AKAP6: variants seen among roughly 807,000 people sequenced by gnomAD.
AKAP6 encodes A-kinase anchor protein 6.
Under a neutral mutation model 188.5 loss-of-function variants are expected in AKAP6, and 58 were observed. The ratio of observed to expected loss-of-function variants is 0.31; its 90% CI spans 0.25 to 0.38. The LOEUF is 0.38. AKAP6 is among the 10% of genes least tolerant of loss of function. The pLI is 1.00. For synonymous variants in AKAP6, 989 were observed against 998.6 expected (o/e 0.99, Z 0.18); for missense variants, 2,710 against 2,740.0 (o/e 0.99, Z 0.24).
Position 32,579,139 on chromosome 14 carries a change from G to T in AKAP6, c.2469+1897G>T, listed in dbSNP as rs184855812. 1.6e-4 allele frequency among the ~76,000 whole-genome samples: 24 copies of T among 152,186 alleles called. No homozygotes were observed. In the East Asian group the frequency reaches 4.3e-3, roughly 27 times the overall value. ...ATGTGGCTAGTGACTTCTGTATTCT[G>T]TCTAGCCTTACAAATTGCCAGCTTT... On this transcript the variant is annotated intron_variant, in intron 5 of 13. Transcript: ENST00000280979.
intron 7 of AKAP6, among the ~76,000 whole-genome samples, chr14:32,634,672 G>A (rs1231115019): frequency 1.3e-5 from 2 of 151,956 alleles, no homozygotes; most frequent in Non-Finnish European, 2.9e-5. Context: ...GTGATAGGGA[G>A]TAGGGGTGCA....
chr14:32,386,559 C>A (rs115548232), intron 1 of AKAP6, among the ~76,000 whole-genome samples: 1 of 151,920 alleles, frequency 6.6e-6, no homozygotes, highest in Non-Finnish European at 1.5e-5. Context: ...TTGGGTTGTT[C>A]GTTTACTCTG....
chr14:32,615,591 C>CTTTGTTTTTTTT (rs1886541165), intron 7 of AKAP6, among the ~76,000 whole-genome samples: 1 of 115,306 alleles, frequency 8.7e-6, no homozygotes, highest in African/African-American at 3.8e-5. Flanking sequence ...TAAACCATTA[C>CTTTGTTTTTTTT]TTTTTTTTTT....
chr14:32,388,276 T>C (rs1888598911), intron 1 of AKAP6, among the ~76,000 whole-genome samples: 1 of 152,114 alleles, frequency 6.6e-6, no homozygotes, highest in South Asian at 2.1e-4. Context: ...ATTAATTTTA[T>C]TTGTGTTTTC....
At chr14:32,820,701 A>T (rs1374586661) in intron 12 of AKAP6, among the ~76,000 whole-genome samples, 1 of 152,156 alleles carries the variant, frequency 6.6e-6, no homozygotes, top group African/African-American at 2.4e-5. Flanking sequence ...TTTGACTAAG[A>T]AATTGCCCTG....
rs1410855175 is a variant in AKAP6, at chr14:32,823,473, A to C, written c.5660A>C (p.Lys1887Thr). The C allele has an allele frequency of 6.2e-7, 1 of 1,613,592 alleles. No individual in the cohort carries two copies. The highest frequency in any genetic ancestry group is 2.2e-5 in the East Asian group (1 of 44,858). The change falls in exon 13 of 14, where the codon AAA (lysine) becomes ACA (threonine). Residue 1887 changes from lysine (K) to threonine (T), a missense_variant. Transcript: ENST00000280979. ...ENKKTIFKVN[K>T]DPYVADMENG... ...AAGAAAACTATTTTCAAAGTTAATAAAGATCCATATGTGGCTGACATGGAA... is the reference window on the plus strand; with the variant it reads ...AAGAAAACTATTTTCAAAGTTAATACAGATCCATATGTGGCTGACATGGAA...
rs1435593899 is a variant in AKAP6, at chr14:32,625,115, C to T, written c.2730+24323C>T. Among the ~76,000 whole-genome samples the T allele has an allele frequency of 2.0e-5, 3 of 152,066 alleles. No individual in the cohort carries two copies. In the East Asian group the frequency reaches 5.8e-4, roughly 29 times the overall value. ...AAGCATATTAAAATTAACTTTTCCT[C>T]AATTTAAGTAATGTGTATAAGTAAA... On this transcript the variant is annotated intron_variant, in intron 7 of 13. Coordinates refer to ENST00000280979, the MANE Select transcript of AKAP6 (RefSeq NM_004274.5).
intron 11 of AKAP6, among the ~76,000 whole-genome samples, chr14:32,745,351 A>G (rs781647724): frequency 1.1e-4 from 17 of 152,060 alleles, no homozygotes; most frequent in Non-Finnish European, 1.6e-4. Context: ...TTGCAGACTC[A>G]AAGAGGTACT....
At chr14:32,624,099 G>T (rs528921722) in intron 7 of AKAP6, among the ~76,000 whole-genome samples, 1 of 152,092 alleles carries the variant, frequency 6.6e-6, no homozygotes, top group Non-Finnish European at 1.5e-5. Context: ...AGAGATCTTG[G>T]TAAGTAAAAA....
At chr14:32,531,313 T>A (rs1882405223) in intron 2 of AKAP6, among the ~76,000 whole-genome samples, 1 of 152,228 alleles carries the variant, frequency 6.6e-6, no homozygotes, top group South Asian at 2.1e-4. Flanking sequence ...CCTTTATACT[T>A]GCTAGAAAAT....
intron 8 of AKAP6, among the ~76,000 whole-genome samples, chr14:32,692,249 A>G (rs1421323126): frequency 6.6e-6 from 1 of 152,228 alleles, no homozygotes; most frequent in Non-Finnish European, 1.5e-5. Flanking sequence ...AAGGCCCATG[A>G]TAAGGAGAAT....
intron 1 of AKAP6, among the ~76,000 whole-genome samples, chr14:32,354,818 G>A (rs945269446): frequency 2.0e-5 from 3 of 152,016 alleles, no homozygotes; most frequent in Admixed American, 6.5e-5. Context: ...ACCTCCTGAA[G>A]TGGACATGTG....
At chr14:32,512,421 T>C (rs1438792980) in intron 2 of AKAP6, among the ~76,000 whole-genome samples, 1 of 152,228 alleles carries the variant, frequency 6.6e-6, no homozygotes, top group Non-Finnish European at 1.5e-5. Flanking sequence ...GAAAGTGCAT[T>C]GAAATTGAAT....
chr14:32,448,040 A>C (rs1349711543), intron 2 of AKAP6, among the ~76,000 whole-genome samples: 1 of 152,216 alleles, frequency 6.6e-6, no homozygotes, highest in Non-Finnish European at 1.5e-5. Flanking sequence ...GGAAGGAAAA[A>C]CATCTATAAA....
chr14:32,828,767 G>T (rs1057468087), intron 13 of AKAP6, among the ~76,000 whole-genome samples: 1 of 152,154 alleles, frequency 6.6e-6, no homozygotes, highest in Admixed American at 6.5e-5. Context: ...AATGCACTGG[G>T]CTTTCTTGTG....
Position 32,545,621 on chromosome 14 carries a change from T to C in AKAP6, c.968T>C (p.Leu323Pro). ...GTCGAAGAGCAACCAGGCTTAACAC[T>C]GGGGGTGTCATCATCTTCAGGAGAA... ...SAVEEQPGLT[L>P]GVSSSSGEAL... The change falls in exon 4 of 14, where the codon CTG (leucine) becomes CCG (proline). Residue 323 changes from leucine to proline, a missense_variant. Coordinates refer to ENST00000280979, the MANE Select transcript of AKAP6 (RefSeq NM_004274.5). The C allele has an allele frequency of 6.2e-7, 1 of 1,614,178 alleles. No homozygotes were observed. The highest frequency in any genetic ancestry group is 8.5e-7 in the Non-Finnish European group (1 of 1,180,022).
chr14:32,446,477 G>A (rs1033687772), intron 2 of AKAP6, among the ~76,000 whole-genome samples: 4 of 151,830 alleles, frequency 2.6e-5, no homozygotes, highest in Non-Finnish European at 4.4e-5. Flanking sequence ...TCTCTTCTTA[G>A]TAGTTATAAA....
chr14:32,519,252 A>G (rs1473638453), intron 2 of AKAP6, among the ~76,000 whole-genome samples: 1 of 152,214 alleles, frequency 6.6e-6, no homozygotes, highest in East Asian at 1.9e-4. Context: ...GCCAAATTGT[A>G]AAGACCATTG....
Position 32,742,388 on chromosome 14 carries a change from ATTTCT to A in AKAP6, c.3372+6513_3372+6517del, listed in dbSNP as rs1361605828. ...TTTTATTTCTGCTCTGATCTTCATTATTTCTTTTCTTCTACTAATTTTGGGTTTGG... is the reference window on the plus strand; with the variant it reads ...TTTTATTTCTGCTCTGATCTTCATTATTTCTTCTACTAATTTTGGGTTTGG... On this transcript the variant is annotated intron_variant, in intron 11 of 13. Transcript: ENST00000280979. 4.6e-5 allele frequency among the ~76,000 whole-genome samples: 7 copies of A among 150,628 alleles called. No homozygotes were observed. In the South Asian group the frequency reaches 1.3e-3, roughly 27 times the overall value.
Sources: allele counts gnomAD v4.1 joint callset (sites outside exome capture counted in the v4.1 genomes callset), GRCh38; gene constraint gnomAD v4.1.1; transcripts MANE v1.5; gene names NCBI Gene and HGNC (gene_info 2026-07-23, HGNC 2026-07-21).